Variants in LRP4 observed in about 807,000 individuals in gnomAD.
LRP4 encodes LDL receptor related protein 4.
In LRP4, 95 loss-of-function variants were observed where a neutral mutation model predicts 220.3. The ratio of observed to expected loss-of-function variants is 0.43; its 90% CI spans 0.37 to 0.51. The LOEUF is 0.51. LRP4 is among the 20% of genes least tolerant of loss of function. LRP4 has a pLI of 0.00. For missense variants in LRP4, 1,925 were observed against 2,567.0 expected, an observed-to-expected ratio of 0.75 and a Z score of 5.40; for synonymous variants, 903 against 954.6, an observed-to-expected ratio of 0.95 and a Z score of 1.00.
At chr11:46,859,633 A>G (rs940325862) in intron 37 of LRP4, among the ~76,000 whole-genome samples, 6 of 152,200 alleles carry the variant, frequency 3.9e-5, no homozygotes, top group Non-Finnish European at 7.3e-5. Context: ...AAGACTCTGC[A>G]GTGTGAGGAG....
intron 35 of LRP4, 91 bp from the exon 36 acceptor site, chr11:46,864,626 G>T: frequency 1.1e-6 from 1 of 870,660 alleles, no homozygotes; most frequent in Non-Finnish European, 1.9e-6. Context: ...GGCTCCTTTT[G>T]TAGGTGTTGG....
At chr11:46,889,918 G>A in intron 15 of LRP4, 26 bp downstream of exon 15, 1 of 1,613,980 alleles carries the variant, frequency 6.2e-7, no homozygotes, top group African/African-American at 1.3e-5. Flanking sequence ...AGGCTACTTT[G>A]GCTCACCCGG....
chr11:46,868,509 G>T, intron 33 of LRP4, 91 bp downstream of exon 33: 1 of 942,098 alleles, frequency 1.1e-6, no homozygotes, highest in Non-Finnish European at 1.8e-6. Context: ...ATCCCACCCA[G>T]AAGGACAGAT....
rs1298418218 is a variant in LRP4, at chr11:46,857,661, CGAA to C, written c.*1319_*1321del. On this transcript the variant is annotated 3_prime_UTR_variant, in exon 38 of 38. Transcript: ENST00000378623. ...CAAAAAAACAAACAAAAAAACCCCA[CGAA>C]GAACAGCTAGGGAGACGTTTTAGGG... is the stretch of plus-strand genomic sequence containing the variant. The C allele has an allele frequency of 6.6e-6, 1 of 152,208 alleles. No homozygotes were observed. The highest frequency in any genetic ancestry group is 2.4e-5 in the African/African-American group (1 of 41,396). 9.4% of individuals were successfully genotyped at this position (152,208 alleles called of 1,614,324 possible). A position where few individuals can be genotyped will look rare whatever the true frequency, so the allele number is the denominator to read the frequency against.
At chr11:46,900,121 T>C in intron 3 of LRP4, 141 bp downstream of exon 3, 1 of 961,228 alleles carries the variant, frequency 1.0e-6, no homozygotes, top group South Asian at 1.3e-5. Context: ...GCAGCTTATC[T>C]GACTTCGAGA....
intron 1 of LRP4, among the ~76,000 whole-genome samples, chr11:46,903,526 A>T (rs1001885006): frequency 2.0e-5 from 3 of 152,080 alleles, no homozygotes; most frequent in African/African-American, 7.2e-5. Context: ...CCCCTCCAAA[A>T]AAAAATGATG....
At position 46,873,087 on chromosome 11, in the gene LRP4, G is replaced by A. The variant is rs1940912916; in HGVS notation, c.4583+13C>T. 1.2e-6 allele frequency: 2 copies of A among 1,614,186 alleles called. No homozygotes were observed. Among genetic ancestry groups the A allele is most frequent in the Non-Finnish European group, 8.5e-7 (1 of 1,180,044 alleles). On this transcript the variant is annotated intron_variant, in intron 30 of 37. Coordinates refer to ENST00000378623, the MANE Select transcript of LRP4 (RefSeq NM_002334.4). The surrounding 1 kb of genome is among the most constrained non-coding windows in gnomAD (Gnocchi z 4.2). The stretch of plus-strand genomic sequence containing the variant: ...CCCGATTTCCAGGAGGCTGTTTGAT[G>A]CAAGACTCCCACCTGCGGGTATCAT...
Position 46,865,108 on chromosome 11 carries a change from T to G in LRP4, c.5155+11A>C. ...CTTCTTTTCCGGAACAGTGGGGTACTCAGGGCTTACCTGGAGCAGCAGGAA... is the reference window on the plus strand; with the variant it reads ...CTTCTTTTCCGGAACAGTGGGGTACGCAGGGCTTACCTGGAGCAGCAGGAA... On this transcript the variant is annotated intron_variant, in intron 35 of 37. Coordinates refer to ENST00000378623, the MANE Select transcript of LRP4 (RefSeq NM_002334.4). 1 of 1,559,070 alleles carries G rather than the reference T, an allele frequency of 6.4e-7. No homozygotes were observed.
At position 46,890,567 on chromosome 11, in the gene LRP4, G is replaced by A; in HGVS notation, c.1698-73C>T. On this transcript the variant is annotated intron_variant, in intron 13 of 37. Transcript: ENST00000378623. This position sits in a 1 kb window ranked among gnomAD's most constrained non-coding sequence, Gnocchi z 5.3. ...GGTAACCAGGAGAATAATCAGGTAG[G>A]GCGCTTTTATCCATTTAACTCAGGG... The A allele has an allele frequency of 9.3e-7, 1 of 1,080,164 alleles. No individual in the cohort carries two copies. Among genetic ancestry groups the A allele is most frequent in the Non-Finnish European group, 1.4e-6 (1 of 717,494 alleles). The allele number at this position is 1,080,164 out of a possible 1,614,324, so 66.9% of individuals were successfully genotyped here. A position where few individuals can be genotyped will look rare whatever the true frequency, so the allele number is the denominator to read the frequency against.
intron 20 of LRP4, 56 bp from the exon 21 acceptor site, chr11:46,879,371 T>G: frequency 6.3e-7 from 1 of 1,584,064 alleles, no homozygotes; most frequent in Admixed American, 1.7e-5. Flanking sequence ...TACAGAGCAG[T>G]GGCAAAGAGC....
rs1293379752 is a variant in LRP4 at position 46,874,872 on chromosome 11, T to A, written c.4157A>T (p.Asn1386Ile). ...DVHVPVPELN[N>I]VISLDYDSVD... ...GCTGTCATAGTCCAGGGAGATGACA[T>A]TGTTGAGCTCAGGAACAGGGACATG... Residue 1386 changes from asparagine to isoleucine, a missense_variant, in exon 28 of 38, where the codon AAT becomes ATT. Physicochemically the swap from Asn to Ile is moderately radical, Grantham distance 149 (BLOSUM62 -3). Around this residue, in one of 3 missense-constraint regions of LRP4, gnomAD observed 1,244 missense variants for 1,624.9 expected, o/e 0.77. Transcript: ENST00000378623. The A allele has an allele frequency of 1.2e-6, 2 of 1,613,974 alleles. No individual in the cohort carries two copies. The highest frequency in any genetic ancestry group is 1.7e-6 in the Non-Finnish European group (2 of 1,179,962).
intron 16 of LRP4, among the ~76,000 whole-genome samples, chr11:46,887,482 T>G (rs1363995509): frequency 6.6e-6 from 1 of 151,768 alleles, no homozygotes; most frequent in Non-Finnish European, 1.5e-5. Flanking sequence ...GGTCATTGCT[T>G]GGGCTCAGGA....
Position 46,884,872 on chromosome 11 carries a change from G to A in LRP4, c.2507-896C>T, listed in dbSNP as rs11822784. ...GGTTGCAGTGAGCTGAGATTGCGCC[G>A]CTGCACTCCAGCCTGGGCAGCAGAG... On this transcript the variant is annotated intron_variant, in intron 18 of 37. Transcript: ENST00000378623. Among the ~76,000 whole-genome samples, 1,451 of 151,680 alleles carry A rather than the reference G, an allele frequency of 9.6e-3. 12 individuals are homozygous for A. The highest frequency in any genetic ancestry group is 0.032 in the African/African-American group (1,324 of 41,318).
At chr11:46,866,133 C>T (rs1477514219) in intron 34 of LRP4, among the ~76,000 whole-genome samples, 3 of 144,868 alleles carry the variant, frequency 2.1e-5, no homozygotes, top group East Asian at 4.0e-4. Flanking sequence ...CAGTATGTTG[C>T]AGTGGAAAAA....
At chr11:46,905,243 G>C (rs754736939) in intron 1 of LRP4, among the ~76,000 whole-genome samples, 1 of 152,286 alleles carries the variant, frequency 6.6e-6, no homozygotes, top group Non-Finnish European at 1.5e-5. Flanking sequence ...CTCAGATCCT[G>C]GACAACACAG....
rs543692654 is a variant in LRP4 at position 46,896,861 on chromosome 11, G to A, written c.922+8C>T. 2.0e-5 allele frequency: 32 copies of A among 1,614,092 alleles called. No individual in the cohort carries two copies. The South Asian group carries it at 3.1e-4, about 16-fold the overall frequency. ...CTAAGGGTTCTGGGGCACCCCGGGA[G>A]ACACCACCTGTATTCTCACAGTTCT... On this transcript the variant is annotated splice_region_variant and intron_variant, in intron 8 of 37. Coordinates refer to ENST00000378623, the MANE Select transcript of LRP4 (RefSeq NM_002334.4).
chr11:46,909,097 G>A (rs1253476927), intron 1 of LRP4, among the ~76,000 whole-genome samples: 1 of 152,152 alleles, frequency 6.6e-6, no homozygotes, highest in African/African-American at 2.4e-5. Flanking sequence ...ACACTCAAGT[G>A]TCTAGCGGCA....
In LRP4 at chr11:46,885,530, T is replaced by C. The variant is rs369254845; in HGVS notation, c.2506+561A>G. On this transcript the variant is annotated intron_variant, in intron 18 of 37. Coordinates refer to ENST00000378623, the MANE Select transcript of LRP4 (RefSeq NM_002334.4). ...GGCTCACACCTGTAATCCCAGCACTTTGGGAGGCTAAGGCGGGTGGATCAC... is the reference window on the plus strand; with the variant it reads ...GGCTCACACCTGTAATCCCAGCACTCTGGGAGGCTAAGGCGGGTGGATCAC... 4.2e-4 allele frequency among the ~76,000 whole-genome samples: 64 copies of C among 152,172 alleles called. No individual in the cohort carries two copies. The East Asian group carries it at 4.8e-3, about 11-fold the overall frequency.
intron 37 of LRP4, among the ~76,000 whole-genome samples, chr11:46,861,874 G>C (rs1940562730): frequency 6.6e-6 from 1 of 152,018 alleles, no homozygotes; most frequent in East Asian, 1.9e-4. Flanking sequence ...TTCAAGACCA[G>C]CCTGGTCAAC....
Sources: gnomAD v4.1 joint callset for allele counts (sites outside exome capture counted in the v4.1 genomes callset) on GRCh38, gnomAD v4.1.1 for gene constraint, gnomAD v4.1.1 regional missense constraint, Gnocchi (gnomAD v3.1) non-coding constraint, MANE v1.5 for transcripts, NCBI Gene and HGNC (gene_info 2026-07-23, HGNC 2026-07-21) for gene names.